The following PRICKLE2 variants were observed in gnomAD, a reference collection of about 807,000 sequenced individuals.
PRICKLE2 encodes prickle-like protein 2.
PRICKLE2 carries 21 observed loss-of-function variants against 81.4 expected under a neutral mutation model. The observed-to-expected ratio is 0.26, with a 90% confidence interval of 0.18 to 0.37. The LOEUF (loss-of-function observed/expected upper bound fraction) is 0.37. Among genes scored for constraint, PRICKLE2 ranks in the 10% least tolerant of loss-of-function variants. PRICKLE2 has a pLI of 1.00. For missense variants in PRICKLE2, 940 were observed against 1,109.0 expected (o/e 0.85, Z 2.16); for synonymous variants, 456 against 421.5 (o/e 1.08, Z -1.00).
rs1257564368 is a variant in PRICKLE2 at position 64,147,909 on chromosome 3, T to G, written c.788-207A>C. Reference sequence around the variant, plus strand: ...TGTACCAGTATGCGCCTTAACTCATTTGCTCCAAGCACAAAGACTCTAGGT... The same window carrying G: ...TGTACCAGTATGCGCCTTAACTCATGTGCTCCAAGCACAAAGACTCTAGGT... On this transcript the variant is annotated intron_variant, in intron 6 of 7. Coordinates refer to ENST00000638394, the MANE Select transcript of PRICKLE2 (RefSeq NM_198859.4). The surrounding 1 kb of genome is among the most constrained non-coding windows in gnomAD (Gnocchi z 5.0). Among the ~76,000 whole-genome samples, 8 of 152,160 alleles carry G rather than the reference T, an allele frequency of 5.3e-5. No homozygotes were observed. Among genetic ancestry groups the G allele is most frequent in the Admixed American group, 5.2e-4 (8 of 15,274 alleles).
intron 1 of PRICKLE2, among the ~76,000 whole-genome samples, chr3:64,215,441 C>T (rs2078856792): frequency 6.6e-6 from 1 of 152,138 alleles, no homozygotes; most frequent in Non-Finnish European, 1.5e-5. Flanking sequence ...GTCTAAAATA[C>T]CTTTTCCCAT....
At chr3:64,139,086 G>A (rs994465376) in intron 7 of PRICKLE2, among the ~76,000 whole-genome samples, 12 of 152,192 alleles carry the variant, frequency 7.9e-5, no homozygotes, top group African/African-American at 1.2e-4. Flanking sequence ...TTGTTTTCTG[G>A]TTCTTTCCCA....
At position 64,147,218 on chromosome 3, in the gene PRICKLE2, G is replaced by A. The variant is rs758249312; in HGVS notation, c.1272C>T (p.Ile424=). 8 of 1,610,294 alleles carry A rather than the reference G, an allele frequency of 5.0e-6. No individual in the cohort carries two copies. The South Asian group carries it at 7.7e-5, about 16-fold the overall frequency. ...GCCCTCCTGGACTGTAGGAAGTTCTGATGTTGCACTGGCTGAGGAGCTGCA... is the reference window on the plus strand; with the variant it reads ...GCCCTCCTGGACTGTAGGAAGTTCTAATGTTGCACTGGCTGAGGAGCTGCA... ...SPLQLLSQCN[I]RTSYSPGGQG... Residue 424 remains isoleucine (I), a synonymous_variant, in exon 7 of 8, where the codon ATC becomes ATT. Transcript: ENST00000638394. This position sits in a 1 kb window ranked among gnomAD's most constrained non-coding sequence, Gnocchi z 5.0.
chr3:64,108,816 G>A (rs908797677), intron 7 of PRICKLE2, among the ~76,000 whole-genome samples: 2 of 152,116 alleles, frequency 1.3e-5, no homozygotes, highest in Non-Finnish European at 2.9e-5. Flanking sequence ...CTAATTCAGG[G>A]TTTCCCAACC....
At chr3:64,132,084 C>G (rs902969876) in intron 7 of PRICKLE2, among the ~76,000 whole-genome samples, 7 of 152,206 alleles carry the variant, frequency 4.6e-5, no homozygotes, top group African/African-American at 1.7e-4. Flanking sequence ...TCTTCCTTGC[C>G]AATTCTTTCC....
intron 7 of PRICKLE2, among the ~76,000 whole-genome samples, chr3:64,129,946 T>G (rs1304193042): frequency 1.3e-5 from 2 of 152,234 alleles, no homozygotes; most frequent in African/African-American, 2.4e-5. Context: ...TTGAGCTTTG[T>G]GTCAAGCCCC....
intron 1 of PRICKLE2, among the ~76,000 whole-genome samples, chr3:64,202,888 T>C (rs2078613844): frequency 6.6e-6 from 1 of 152,216 alleles, no homozygotes; most frequent in African/African-American, 2.4e-5. Flanking sequence ...TTAAGTATTA[T>C]GTTAGCCATG....
intron 7 of PRICKLE2, among the ~76,000 whole-genome samples, chr3:64,142,132 C>T (rs953910861): frequency 1.3e-5 from 2 of 152,044 alleles, no homozygotes; most frequent in African/African-American, 4.8e-5. Flanking sequence ...GGGTCTGCTC[C>T]AATGAGGAAT....
At chr3:64,206,674 C>T (rs2078694022) in intron 1 of PRICKLE2, among the ~76,000 whole-genome samples, 1 of 152,184 alleles carries the variant, frequency 6.6e-6, no homozygotes, top group South Asian at 2.1e-4. Context: ...AAGGGGCAGA[C>T]TGCTTAAAGA....
intron 2 of PRICKLE2, among the ~76,000 whole-genome samples, chr3:64,258,774 AGAT>A (rs2107187105): frequency 7.1e-6 from 1 of 140,406 alleles, no homozygotes; most frequent in Non-Finnish European, 1.5e-5. Flanking sequence ...CAGTGAGCCG[AGAT>A]CATGCCACTG....
chr3:64,121,388 C>G (rs2077025285), intron 7 of PRICKLE2, among the ~76,000 whole-genome samples: 1 of 152,182 alleles, frequency 6.6e-6, no homozygotes, highest in African/African-American at 2.4e-5. Flanking sequence ...AACCCCTTCT[C>G]TACCCAGCCC....
chr3:64,233,375 CT>C (rs1268302907), intron 2 of PRICKLE2, among the ~76,000 whole-genome samples: 4 of 152,216 alleles, frequency 2.6e-5, no homozygotes, highest in African/African-American at 9.7e-5. Context: ...TGCTGCTCAT[CT>C]CAGAATAAGT....
At position 64,225,281 on chromosome 3, in the gene PRICKLE2, A is replaced by C. The variant is rs1411343784; in HGVS notation, c.-412T>G. On this transcript the variant is annotated 5_prime_UTR_variant, in exon 1 of 8. The change creates a new upstream start codon in the 5' untranslated region. Coordinates refer to ENST00000638394, the MANE Select transcript of PRICKLE2 (RefSeq NM_198859.4). The stretch of plus-strand genomic sequence containing the variant: ...CCTCTTAACTCCCCTTCTTCATGAC[A>C]ATCTGAAGGAAGAAGTCATAGACTC... 1.0e-6 allele frequency: 1 copy of C among 985,436 alleles called. No homozygotes were observed. Among genetic ancestry groups the C allele is most frequent in the South Asian group, 4.7e-5 (1 of 21,282 alleles). The allele number at this position is 985,436 out of a possible 1,614,324, so 61.0% of individuals were successfully genotyped here.
intron 7 of PRICKLE2, among the ~76,000 whole-genome samples, chr3:64,141,474 G>A (rs2077361275): frequency 1.3e-5 from 2 of 152,200 alleles, no homozygotes; most frequent in Non-Finnish European, 2.9e-5. Flanking sequence ...TGTTCTTGAT[G>A]TTGTTATTAT....
At position 64,157,363 on chromosome 3, in the gene PRICKLE2, G is replaced by A. The variant is rs764057934; in HGVS notation, c.399C>T (p.Cys133=). Reference sequence around the variant, plus strand: ...TGTCTCCACCATTGATCTGGCCTCCGCACTGTGAGGCAAACAGAAACATCA... The same window carrying A: ...TGTCTCCACCATTGATCTGGCCTCCACACTGTGAGGCAAACAGAAACATCA... The part of the protein sequence containing the change: ...VTMTGAICEQ[C]GGQINGGDIA... The change falls in exon 5 of 8, where the codon TGC becomes TGT. Residue 133 remains cysteine (C), a splice_region_variant and synonymous_variant. Coordinates refer to ENST00000638394, the MANE Select transcript of PRICKLE2 (RefSeq NM_198859.4). 15 of 1,612,674 alleles carry A rather than the reference G, an allele frequency of 9.3e-6. No individual in the cohort carries two copies. Among genetic ancestry groups the A allele is most frequent in the Middle Eastern group, 2.0e-4 (1 of 4,982 alleles).
chr3:64,201,148 C>G (rs2078570029), intron 1 of PRICKLE2, among the ~76,000 whole-genome samples: 1 of 151,762 alleles, frequency 6.6e-6, no homozygotes, highest in Non-Finnish European at 1.5e-5. Context: ...CCAGGATGGT[C>G]TTGATCTCCT....
intron 7 of PRICKLE2, among the ~76,000 whole-genome samples, chr3:64,130,890 A>T (rs1473676969): frequency 1.3e-5 from 2 of 152,190 alleles, no homozygotes; most frequent in African/African-American, 4.8e-5. Flanking sequence ...TGGGTATTTT[A>T]GCCTCTGCCT....
At chr3:64,124,324 A>C (rs1215575111) in intron 7 of PRICKLE2, among the ~76,000 whole-genome samples, 3 of 152,242 alleles carry the variant, frequency 2.0e-5, no homozygotes. Context: ...CCATCGCCAT[A>C]ACATAAAAGT....
intron 7 of PRICKLE2, among the ~76,000 whole-genome samples, chr3:64,118,360 T>C (rs78038469): frequency 6.6e-6 from 1 of 152,070 alleles, no homozygotes; most frequent in African/African-American, 2.4e-5. Context: ...CTAATTAAAC[T>C]AAAGAGCTTC....
Sources: allele counts gnomAD v4.1 joint callset (sites outside exome capture counted in the v4.1 genomes callset), GRCh38; gene constraint gnomAD v4.1.1; non-coding constraint Gnocchi (gnomAD v3.1); transcripts MANE v1.5; gene names NCBI Gene and HGNC (gene_info 2026-07-23, HGNC 2026-07-21).